WASHC4: variants seen among roughly 807,000 people sequenced by gnomAD.
WASHC4 encodes WASH complex subunit 4.
In WASHC4, 86 loss-of-function variants were observed where a neutral mutation model predicts 166.6. That is an observed-to-expected ratio of 0.52 (90% CI 0.43 to 0.62). WASHC4 has a LOEUF of 0.62. WASHC4 is among the 20% of genes least tolerant of loss of function. The pLI, the probability that WASHC4 is intolerant of heterozygous loss-of-function variation, is 0.00. For missense variants in WASHC4, 1,262 were observed against 1,382.4 expected (o/e 0.91, Z 1.38); for synonymous variants, 446 against 451.6 (o/e 0.99, Z 0.16).
chr12:105,162,158 A>G (rs1485221756), intron 29 of WASHC4, among the ~76,000 whole-genome samples: 1 of 152,194 alleles, frequency 6.6e-6, no homozygotes, highest in Non-Finnish European at 1.5e-5. Context: ...GTATATTGTA[A>G]GCTTCAGTAA....
chr12:105,128,046 C>T (rs1405803467), intron 13 of WASHC4, among the ~76,000 whole-genome samples: 2 of 152,172 alleles, frequency 1.3e-5, no homozygotes, highest in Non-Finnish European at 2.9e-5. Flanking sequence ...CAGGACTCTG[C>T]CACTAGCCCC....
chr12:105,134,285 G>A (rs1430987568), intron 14 of WASHC4, among the ~76,000 whole-genome samples: 2 of 151,968 alleles, frequency 1.3e-5, no homozygotes, highest in Non-Finnish European at 2.9e-5. Flanking sequence ...TTTGAAATTT[G>A]CTTTATGGCC....
At chr12:105,142,620 T>C (rs1693952153) in intron 19 of WASHC4, 62 bp downstream of exon 19, 1 of 952,630 alleles carries the variant, frequency 1.0e-6, no homozygotes, top group African/African-American at 1.7e-5. Flanking sequence ...GTAAACCGTT[T>C]TAGTTTAAAA....
chr12:105,119,956 C>T (rs1026661530), intron 7 of WASHC4, among the ~76,000 whole-genome samples: 5 of 152,072 alleles, frequency 3.3e-5, no homozygotes, highest in Non-Finnish European at 5.9e-5. Flanking sequence ...GGAGGCTGGG[C>T]GCGGTGGCTC....
rs1412827161 is a variant in WASHC4, at chr12:105,107,737, T to A, written c.-64T>A. The A allele has an allele frequency of 8.2e-7, 1 of 1,219,728 alleles. No individual in the cohort carries two copies. The highest frequency in any genetic ancestry group is 2.6e-5 in the East Asian group (1 of 38,174). The allele number at this position is 1,219,728 out of a possible 1,614,324, so 75.6% of individuals were successfully genotyped here. A position where few individuals can be genotyped will look rare whatever the true frequency, so the allele number is the denominator to read the frequency against. ...GGAAGTCACGTGCTGTGACAGTAGC[T>A]GGGGTGAGGCCGTCGTCGCCGCACG... On this transcript the variant is annotated 5_prime_UTR_variant, in exon 1 of 33. Transcript: ENST00000332180.
rs779546449 is a variant in WASHC4, at chr12:105,142,435, T to G, written c.1788-18T>G. Reference sequence around the variant, plus strand: ...ATTCTTCAGTTTTGGTGTGACTGATTACTACTTTACATTGTAGAGTCCAAA... The same window carrying G: ...ATTCTTCAGTTTTGGTGTGACTGATGACTACTTTACATTGTAGAGTCCAAA... On this transcript the variant is annotated intron_variant, in intron 18 of 32. Transcript: ENST00000332180. The G allele has an allele frequency of 7.0e-7, 1 of 1,430,470 alleles. No individual in the cohort carries two copies. Among genetic ancestry groups the G allele is most frequent in the African/African-American group, 1.4e-5 (1 of 71,368 alleles). 88.6% of individuals were successfully genotyped at this position (1,430,470 alleles called of 1,614,324 possible). A position where few individuals can be genotyped will look rare whatever the true frequency, so the allele number is the denominator to read the frequency against.
chr12:105,125,929 T>G (rs1162015532), intron 10 of WASHC4, 75 bp from the exon 11 acceptor site: 10 of 1,324,898 alleles, frequency 7.5e-6, no homozygotes, highest in Non-Finnish European at 1.1e-5. Flanking sequence ...TACACTGTAT[T>G]TAGTGTATGA....
intron 15 of WASHC4, 95 bp downstream of exon 15, chr12:105,138,106 T>C (rs1882472971): frequency 1.6e-6 from 2 of 1,246,464 alleles, no homozygotes; most frequent in South Asian, 3.1e-5. Flanking sequence ...CATGATTATA[T>C]GAGAACAGAA....
In WASHC4 at chr12:105,120,418, T is replaced by C. The variant is rs1479949666; in HGVS notation, c.519-137T>C. 7 of 619,270 alleles carry C rather than the reference T, an allele frequency of 1.1e-5. No homozygotes were observed. The East Asian group carries it at 2.1e-4, about 18-fold the overall frequency. The allele number at this position is 619,270 out of a possible 1,614,324, so 38.4% of individuals were successfully genotyped here. The stretch of plus-strand genomic sequence containing the variant: ...CTTGGGAAAGTGGACTTGACGCTCT[T>C]AAATTTTAAATAACTAGAGCCTTAA... On this transcript the variant is annotated intron_variant, in intron 7 of 32. Transcript: ENST00000332180.
rs183820808 is a variant in WASHC4 at position 105,159,956 on chromosome 12, C to A, written c.2913-45C>A. The A allele has an allele frequency of 2.0e-5, 31 of 1,584,188 alleles. 1 individual carries two copies. The East Asian group carries it at 6.7e-4, about 34-fold the overall frequency. On this transcript the variant is annotated intron_variant, in intron 28 of 32. Coordinates refer to ENST00000332180, the MANE Select transcript of WASHC4 (RefSeq NM_015275.3). ...TTGAGAGATGGATTTTTTTCAAAGC[C>A]ACGCTTCTTTTGAGAAAGGAACCAA... is the stretch of plus-strand genomic sequence containing the variant.
intron 2 of WASHC4, among the ~76,000 whole-genome samples, chr12:105,112,179 TTTAAC>T (rs1288613101): frequency 6.6e-6 from 1 of 152,216 alleles, no homozygotes; most frequent in Non-Finnish European, 1.5e-5. Context: ...TGCTGGCTTC[TTTAAC>T]TTATGTTTTC....
At position 105,167,023 on chromosome 12, in the gene WASHC4, C is replaced by G. The variant is rs2135851532; in HGVS notation, c.*92C>G. On this transcript the variant is annotated 3_prime_UTR_variant, in exon 33 of 33. Coordinates refer to ENST00000332180, the MANE Select transcript of WASHC4 (RefSeq NM_015275.3). ...GGATAAACTATTGATGAATTGTTTCCTGGGTCACATCTCTGGAAAATAGAT... is the reference window on the plus strand; with the variant it reads ...GGATAAACTATTGATGAATTGTTTCGTGGGTCACATCTCTGGAAAATAGAT... 1 of 853,826 alleles carries G rather than the reference C, an allele frequency of 1.2e-6. No homozygotes were observed. The highest frequency in any genetic ancestry group is 1.7e-5 in the Admixed American group (1 of 58,256). The allele number at this position is 853,826 out of a possible 1,614,324, so 52.9% of individuals were successfully genotyped here.
At chr12:105,157,909 C>A (rs2440710) in intron 28 of WASHC4, among the ~76,000 whole-genome samples, 152,335 of 152,336 alleles carry the variant, frequency 1, 76,167 homozygotes, top group Non-Finnish European at 1. Context: ...TGTCCCATAA[C>A]ACGAGAGGCA....
At chr12:105,148,547 A>G (rs998545721) in intron 24 of WASHC4, 9 of 985,420 alleles carry the variant, frequency 9.1e-6, no homozygotes, top group Middle Eastern at 5.2e-4. Context: ...GGATGGCAGA[A>G]TAGTTACCCA....
At chr12:105,162,928 CTA>C (rs1375193012) in intron 30 of WASHC4, 83 bp downstream of exon 30, 1 of 699,218 alleles carries the variant, frequency 1.4e-6, no homozygotes, top group African/African-American at 1.8e-5. Flanking sequence ...GAGAATAGGT[CTA>C]TATGTTCTTT....
intron 13 of WASHC4, among the ~76,000 whole-genome samples, chr12:105,129,144 C>T (rs891696276): frequency 6.6e-6 from 1 of 152,118 alleles, no homozygotes; most frequent in African/African-American, 2.4e-5. Context: ...CTGGGTTTCA[C>T]CACGTCAGTC....
intron 8 of WASHC4, 45 bp downstream of exon 8, chr12:105,120,642 T>TATA (rs1400534685): frequency 1.5e-6 from 2 of 1,365,554 alleles, no homozygotes; most frequent in Non-Finnish European, 2.1e-6. Context: ...ATTATTACTA[T>TATA]ATTTTACTTT....
intron 25 of WASHC4, among the ~76,000 whole-genome samples, chr12:105,150,725 C>G (rs929621701): frequency 1.3e-5 from 2 of 152,192 alleles, no homozygotes; most frequent in African/African-American, 2.4e-5. Flanking sequence ...GAAGAAATAC[C>G]TGTGACTGGG....
intron 15 of WASHC4, among the ~76,000 whole-genome samples, chr12:105,138,358 G>GT (rs1882503264): frequency 8.0e-6 from 1 of 125,352 alleles, no homozygotes; most frequent in Admixed American, 8.2e-5. Flanking sequence ...GGTTGCATGA[G>GT]TTAAAAAAAA....
Sources: gnomAD v4.1 joint callset for allele counts (sites outside exome capture counted in the v4.1 genomes callset) on GRCh38, gnomAD v4.1.1 for gene constraint, MANE v1.5 for transcripts, NCBI Gene and HGNC (gene_info 2026-07-23, HGNC 2026-07-21) for gene names.